The following ACSM5 variants were observed in gnomAD, a reference collection of about 807,000 sequenced individuals.
The protein encoded by ACSM5 is acyl-coenzyme A synthetase ACSM5, mitochondrial.
A neutral mutation model predicts 71.6 loss-of-function variants in ACSM5; 56 were observed. The ratio of observed to expected loss-of-function variants is 0.78; its 90% CI spans 0.63 to 0.98. The LOEUF is 0.98. ACSM5 is among the 50% of genes least tolerant of loss of function. ACSM5 has a pLI of 0.00. For missense variants in ACSM5, 723 were observed against 726.0 expected, an observed-to-expected ratio of 1.00 and a Z score of 0.05; for synonymous variants, 285 against 281.5, an observed-to-expected ratio of 1.01 and a Z score of -0.12.
intron 10 of ACSM5, among the ~76,000 whole-genome samples, chr16:20,432,844 A>ATTTTTTTTT (rs1567346831): frequency 1.8e-4 from 11 of 60,210 alleles, no homozygotes; most frequent in South Asian, 4.3e-4. Context: ...TTTCCAGATC[A>ATTTTTTTTT]TTCTTTTTTT....
In ACSM5 at chr16:20,431,842, T is replaced by C. The variant is rs151270719; in HGVS notation, c.1308+521T>C. On this transcript the variant is annotated intron_variant, in intron 10 of 13. Transcript: ENST00000331849. ...GGCGCACGCCTCTATTCCCAGCTAC[T>C]TGGGAGGCTGAGACAGGAGAATTGC... 1.3e-3 allele frequency among the ~76,000 whole-genome samples: 197 copies of C among 152,026 alleles called. 6 individuals are homozygous for C. The East Asian group carries it at 0.035, about 27-fold the overall frequency.
At chr16:20,424,543 A>C (rs143194355) in intron 6 of ACSM5, among the ~76,000 whole-genome samples, 5 of 144,098 alleles carry the variant, frequency 3.5e-5, no homozygotes, top group African/African-American at 1.5e-4. Flanking sequence ...CCTTTCTTCC[A>C]CCCCCCACAT....
At chr16:20,428,100 G>A (rs1357820733) in intron 7 of ACSM5, among the ~76,000 whole-genome samples, 1 of 152,042 alleles carries the variant, frequency 6.6e-6, no homozygotes, top group African/African-American at 2.4e-5. Context: ...ACAAGCTTCT[G>A]GCCCCCCAAA....
chr16:20,431,931 C>T (rs1165700692), intron 10 of ACSM5, among the ~76,000 whole-genome samples: 7 of 147,622 alleles, frequency 4.7e-5, no homozygotes, highest in Non-Finnish European at 8.9e-5. Context: ...GGTGAGGGAA[C>T]GAGACTCCGT....
In ACSM5 at chr16:20,437,136, T is replaced by A; in HGVS notation, c.1393T>A (p.Phe465Ile). The A allele has an allele frequency of 1.2e-6, 2 of 1,614,218 alleles. No homozygotes were observed. Among genetic ancestry groups the A allele is most frequent in the Admixed American group, 1.7e-5 (1 of 60,026 alleles). Residue 465 changes from phenylalanine to isoleucine, a missense_variant, in exon 11 of 14, where the codon TTT (phenylalanine) becomes ATT (isoleucine). Phe to Ile is a conservative substitution (Grantham distance 21). Transcript: ENST00000331849. ...AGCTCGCATGGACAAGGATGGCTAC[T>A]TTTGGTTCATGGGAAGAAACGACGA... The part of the protein sequence containing the change: ...DRARMDKDGY[F>I]WFMGRNDDVI...
intron 7 of ACSM5, among the ~76,000 whole-genome samples, chr16:20,428,571 G>A (rs1000997059): frequency 9.9e-5 from 15 of 152,196 alleles, no homozygotes; most frequent in Non-Finnish European, 1.9e-4. Flanking sequence ...CGTAAGTCAT[G>A]AGGAGTCGTC....
rs1301101504 is a variant in ACSM5, at chr16:20,431,328, GAC to G, written c.1308+8_1308+9del. 1.9e-5 allele frequency: 31 copies of G among 1,609,834 alleles called. No homozygotes were observed. Among genetic ancestry groups the G allele is most frequent in the Non-Finnish European group, 2.3e-5 (27 of 1,176,136 alleles). ...TTTCTTCAATTGCTATTTGGTAAGA[GAC>G]GGGGAACAGCCGTTCTCATGACAGT... On this transcript the variant is annotated splice_region_variant and intron_variant, in intron 10 of 13. Coordinates refer to ENST00000331849, the MANE Select transcript of ACSM5 (RefSeq NM_017888.3).
rs1966849539 is a variant in ACSM5 at position 20,412,461 on chromosome 16, C to A, written c.204+773C>A. On this transcript the variant is annotated intron_variant, in intron 2 of 13. Coordinates refer to ENST00000331849, the MANE Select transcript of ACSM5 (RefSeq NM_017888.3). ...AGATACATAGAATTGAATAAGATAA[C>A]CCTGATTTCTTTGTGTGTCTCTGTG... Among the ~76,000 whole-genome samples, 5 of 152,252 alleles carry A rather than the reference C, an allele frequency of 3.3e-5. 1 individual carries two copies. The South Asian group carries it at 1.0e-3, about 32-fold the overall frequency.
intron 13 of ACSM5, among the ~76,000 whole-genome samples, 180 bp downstream of exon 13, chr16:20,440,099 T>A (rs181370033): frequency 6.6e-6 from 1 of 151,658 alleles, no homozygotes; most frequent in East Asian, 1.9e-4. Flanking sequence ...CAAAGCACAT[T>A]TTGTTCCTAC....
chr16:20,425,089 C>A (rs1426115515), intron 6 of ACSM5, among the ~76,000 whole-genome samples: 1 of 151,948 alleles, frequency 6.6e-6, no homozygotes, highest in Admixed American at 6.6e-5. Context: ...AGGTCTTATT[C>A]ATTCATTCTA....
intron 5 of ACSM5, 125 bp from the exon 6 acceptor site, chr16:20,423,791 C>T: frequency 8.9e-7 from 1 of 1,119,734 alleles, no homozygotes; most frequent in Non-Finnish European, 1.3e-6. Flanking sequence ...TGGTCTTGTT[C>T]AGGTTTCACA....
intron 10 of ACSM5, among the ~76,000 whole-genome samples, chr16:20,433,565 A>G (rs1353015087): frequency 6.6e-6 from 1 of 152,238 alleles, no homozygotes; most frequent in Non-Finnish European, 1.5e-5. Context: ...CAAAAGCAAA[A>G]AAACAAAAGA....
rs139467418 is a variant in ACSM5, at chr16:20,429,683, A to C, written c.1007A>C (p.Gln336Pro). Residue 336 changes from glutamine to proline, a missense_variant, in exon 8 of 14, where the codon CAG becomes CCG. Coordinates refer to ENST00000331849, the MANE Select transcript of ACSM5 (RefSeq NM_017888.3). ...LLVQEDLTRY[Q>P]FQSLRHCLTG... is the part of the protein sequence containing the mutation. ...TGTTTTCCTGTCTGAGAAAGGTACCAGTTTCAGAGCCTGAGGCACTGTCTG... is the reference window on the plus strand; with the variant it reads ...TGTTTTCCTGTCTGAGAAAGGTACCCGTTTCAGAGCCTGAGGCACTGTCTG... 284 of 1,613,928 alleles carry C rather than the reference A, an allele frequency of 1.8e-4. 1 individual carries two copies. In the African/African-American group the frequency reaches 3.0e-3, roughly 17 times the overall value.
intron 10 of ACSM5, 33 bp from the exon 11 acceptor site, chr16:20,437,019 G>C: frequency 6.2e-7 from 1 of 1,612,264 alleles, no homozygotes. Context: ...GTTGTTCCCA[G>C]AGGGTCCTTC....
chr16:20,431,902 T>G (rs12925441), intron 10 of ACSM5, among the ~76,000 whole-genome samples: 11,168 of 147,874 alleles, frequency 0.076, 555 homozygotes, highest in East Asian at 0.17. Flanking sequence ...CCAGGATCAT[T>G]CCACTGCCCT....
intron 12 of ACSM5, among the ~76,000 whole-genome samples, chr16:20,438,954 T>TA (rs1275195181): frequency 0.017 from 1,588 of 92,596 alleles, 21 homozygotes; most frequent in South Asian, 0.024. Context: ...GACTCTGTCT[T>TA]AAAAAAAAAA....
chr16:20,410,539 G>A (rs1966845639), intron 1 of ACSM5, among the ~76,000 whole-genome samples: 1 of 152,086 alleles, frequency 6.6e-6, no homozygotes, highest in Non-Finnish European at 1.5e-5. Context: ...AGCCCTGCCT[G>A]GGCAACATAG....
intron 12 of ACSM5, among the ~76,000 whole-genome samples, chr16:20,438,333 G>T (rs1782273926): frequency 6.6e-6 from 1 of 151,688 alleles, no homozygotes; most frequent in South Asian, 2.1e-4. Context: ...TTCTTGGACT[G>T]CTTGCAACTG....
chr16:20,426,623 A>T (rs1966985975), intron 6 of ACSM5, among the ~76,000 whole-genome samples: 1 of 152,254 alleles, frequency 6.6e-6, no homozygotes, highest in Admixed American at 6.5e-5. Context: ...ATAACCCTTG[A>T]GGACATTATG....
Sources: gnomAD v4.1 joint callset for allele counts (sites outside exome capture counted in the v4.1 genomes callset) on GRCh38, gnomAD v4.1.1 for gene constraint, MANE v1.5 for transcripts, NCBI Gene and HGNC (gene_info 2026-07-23, HGNC 2026-07-21) for gene names.